Variants in PSME4 observed in about 807,000 individuals in gnomAD.
PSME4 encodes proteasome activator subunit 4, also known as proteasome activator complex subunit 4.
In PSME4, 89 loss-of-function variants were observed where a neutral mutation model predicts 253.9. The observed-to-expected ratio is 0.35, with a 90% CI of 0.30 to 0.42. The LOEUF (loss-of-function observed/expected upper bound fraction) is 0.42, where lower values mean the gene tolerates loss of function less well. PSME4 is among the 10% of genes least tolerant of loss of function. The pLI, the probability that PSME4 is intolerant of heterozygous loss-of-function variation, is 1.00. For synonymous variants in PSME4, 851 were observed against 759.2 expected (o/e 1.12, Z -1.99); for missense variants, 2,014 against 2,195.2 (o/e 0.92, Z 1.65).
At position 53,920,888 on chromosome 2, in the gene PSME4, C is replaced by G; in HGVS notation, c.2262+1G>C. ...AATCCTAAAGTACTGAAAATGCTTG[C>G]CTTGATAGGAAAGTATTCAGAAGGA... On this transcript the variant is annotated splice_donor_variant, in intron 18 of 46. Coordinates refer to ENST00000404125, the MANE Select transcript of PSME4 (RefSeq NM_014614.3). LOFTEE classifies it high-confidence loss of function. 6.3e-7 allele frequency: 1 copy of G among 1,588,812 alleles called. No homozygotes were observed. Among genetic ancestry groups the G allele is most frequent in the Non-Finnish European group, 8.6e-7 (1 of 1,157,604 alleles).
intron 20 of PSME4, among the ~76,000 whole-genome samples, chr2:53,915,771 A>T (rs1019710279): frequency 6.6e-6 from 1 of 151,988 alleles, no homozygotes; most frequent in Non-Finnish European, 1.5e-5. Flanking sequence ...TAAATGTTTA[A>T]AAAAAAGAAT....
rs754610700 is a variant in PSME4 at position 53,866,708 on chromosome 2, CT to C, written c.5397+38del. 7 of 1,576,130 alleles carry C rather than the reference CT, an allele frequency of 4.4e-6. No homozygotes were observed. In the Admixed American group the frequency reaches 1.2e-4, roughly 28 times the overall value. ...TATTATGGTTTCTTAGAAAACATCA[CT>C]GATAATACACGTACAAACTAATAAG... On this transcript the variant is annotated intron_variant, in intron 45 of 46. Coordinates refer to ENST00000404125, the MANE Select transcript of PSME4 (RefSeq NM_014614.3).
At chr2:53,939,844 A>AT in intron 4 of PSME4, 112 bp downstream of exon 4, 1 of 882,132 alleles carries the variant, frequency 1.1e-6, no homozygotes, top group Non-Finnish European at 1.7e-6. Flanking sequence ...AGTGACTAAC[A>AT]TCACAATGTC....
intron 3 of PSME4, among the ~76,000 whole-genome samples, chr2:53,941,847 C>A (rs1669469816): frequency 6.6e-6 from 1 of 152,082 alleles, no homozygotes; most frequent in African/African-American, 2.4e-5. Context: ...CTGCGCTACA[C>A]AGAAAACCTG....
chr2:53,936,064 T>C, intron 7 of PSME4, 23 bp downstream of exon 7: 1 of 1,607,074 alleles, frequency 6.2e-7, no homozygotes, highest in Non-Finnish European at 8.5e-7. Flanking sequence ...CCTGATAATT[T>C]TTTTCCCCAA....
chr2:53,878,911 G>A (rs533923030), intron 41 of PSME4, among the ~76,000 whole-genome samples: 60 of 152,222 alleles, frequency 3.9e-4, no homozygotes, highest in South Asian at 2.7e-3. Context: ...TGGGAAGTAC[G>A]CGATCTCTGT....
intron 20 of PSME4, 109 bp downstream of exon 20, chr2:53,919,042 A>G: frequency 9.3e-7 from 1 of 1,069,532 alleles, no homozygotes. Flanking sequence ...ACAAATAAAA[A>G]GGTTAAAGTG....
At chr2:53,884,811 G>T (rs1282866463) in intron 41 of PSME4, among the ~76,000 whole-genome samples, 2 of 152,166 alleles carry the variant, frequency 1.3e-5, no homozygotes, top group Non-Finnish European at 2.9e-5. Context: ...TACCCCAAAA[G>T]ATCCCAGGGA....
intron 26 of PSME4, among the ~76,000 whole-genome samples, chr2:53,905,571 G>A (rs748727762): frequency 7.2e-5 from 11 of 152,104 alleles, no homozygotes; most frequent in Admixed American, 3.9e-4. Flanking sequence ...GCATGGTGGC[G>A]CATGCCTGTA....
chr2:53,908,990 T>A, intron 21 of PSME4, 150 bp from the exon 22 acceptor site: 2 of 545,192 alleles, frequency 3.7e-6, no homozygotes, highest in Non-Finnish European at 3.3e-6. Flanking sequence ...TGGCTAGGCA[T>A]GCTACAGCAA....
At chr2:53,925,173 A>C (rs1361519292) in intron 14 of PSME4, among the ~76,000 whole-genome samples, 1 of 152,202 alleles carries the variant, frequency 6.6e-6, no homozygotes, top group Non-Finnish European at 1.5e-5. Context: ...AAGCAAAAAA[A>C]TGTAAAAAAG....
At chr2:53,884,260 G>A (rs1679533254) in intron 41 of PSME4, among the ~76,000 whole-genome samples, 1 of 152,084 alleles carries the variant, frequency 6.6e-6, no homozygotes, top group Non-Finnish European at 1.5e-5. Context: ...TGCCAGGCTG[G>A]AATGCAGTAG....
intron 29 of PSME4, 79 bp from the exon 30 acceptor site, chr2:53,898,433 G>T: frequency 8.5e-7 from 1 of 1,173,926 alleles, no homozygotes; most frequent in Non-Finnish European, 1.2e-6. Flanking sequence ...TCAAATTCTA[G>T]CCAATTTCAC....
At chr2:53,884,593 C>T (rs533291485) in intron 41 of PSME4, among the ~76,000 whole-genome samples, 6 of 152,330 alleles carry the variant, frequency 3.9e-5, no homozygotes, top group Admixed American at 2.0e-4. Flanking sequence ...CTCTTACATA[C>T]TTGCCTGTAT....
Position 53,895,058 on chromosome 2 carries a change from A to G in PSME4, c.3861T>C (p.Ala1287=). The change falls in exon 34 of 47, where the codon GCT becomes GCC. Residue 1287 remains alanine, a synonymous_variant. Coordinates refer to ENST00000404125, the MANE Select transcript of PSME4 (RefSeq NM_014614.3). ...CAAGCTTAGGCTGCTCTTCCACACC[A>G]GCATAAACAACCATATTCCTATATA... The part of the protein sequence containing the change: ...YTWPKNMVVY[A]GVEEQPKLGR... 1 of 1,612,394 alleles carries G rather than the reference A, an allele frequency of 6.2e-7. No homozygotes were observed. Among genetic ancestry groups the G allele is most frequent in the Non-Finnish European group, 8.5e-7 (1 of 1,179,648 alleles).
intron 36 of PSME4, among the ~76,000 whole-genome samples, chr2:53,891,704 C>T (rs1273541672): frequency 6.6e-6 from 1 of 151,812 alleles, no homozygotes; most frequent in African/African-American, 2.4e-5. Flanking sequence ...ATTAAAAATA[C>T]AAAAATTAGC....
At chr2:53,936,339 T>C (rs894492831) in intron 6 of PSME4, among the ~76,000 whole-genome samples, 178 bp from the exon 7 acceptor site, 3 of 152,146 alleles carry the variant, frequency 2.0e-5, no homozygotes, top group Non-Finnish European at 2.9e-5. Context: ...ATGTCACGCA[T>C]TTAAAATCAG....
At chr2:53,945,480 C>G (rs1669657986) in intron 3 of PSME4, among the ~76,000 whole-genome samples, 1 of 151,090 alleles carries the variant, frequency 6.6e-6, no homozygotes, top group African/African-American at 2.4e-5. Context: ...GGCAAAAAGA[C>G]AGACAGAAAG....
chr2:53,885,571 C>T, intron 41 of PSME4, 119 bp downstream of exon 41: 1 of 651,488 alleles, frequency 1.5e-6, no homozygotes, highest in Non-Finnish European at 2.6e-6. Context: ...GACCATTCTA[C>T]TTTTCAGAGA....
Sources: allele counts gnomAD v4.1 joint callset (sites outside exome capture counted in the v4.1 genomes callset), GRCh38; gene constraint gnomAD v4.1.1; transcripts MANE v1.5; gene names NCBI Gene and HGNC (gene_info 2026-07-23, HGNC 2026-07-21).